Variants in SLC6A9 observed in about 807,000 individuals in gnomAD.
SLC6A9 encodes sodium- and chloride-dependent glycine transporter 1.
In SLC6A9, 31 loss-of-function variants were observed where a neutral mutation model predicts 70.9. The observed-to-expected ratio is 0.44, with a 90% CI of 0.33 to 0.59. SLC6A9 has a LOEUF of 0.59. Among genes scored for constraint, SLC6A9 ranks in the 20% least tolerant of loss-of-function variants. SLC6A9 has a pLI of 0.04. For synonymous variants in SLC6A9, 310 were observed against 341.3 expected (o/e 0.91, Z 1.01); for missense variants, 631 against 845.2 (o/e 0.75, Z 3.14).
At chr1:44,006,013 G>A (rs1467621044) in intron 5 of SLC6A9, among the ~76,000 whole-genome samples, 1 of 152,186 alleles carries the variant, frequency 6.6e-6, no homozygotes, top group Non-Finnish European at 1.5e-5. Flanking sequence ...CCCTGGGTGG[G>A]CCCAGGGCTG....
chr1:44,002,369 C>T lies in SLC6A9; in HGVS notation c.906G>A (p.Ala302=), dbSNP rs766633264. 9.3e-6 allele frequency: 15 copies of T among 1,614,112 alleles called. No individual in the cohort carries two copies. Among genetic ancestry groups the T allele is most frequent in the East Asian group, 4.5e-5 (2 of 44,870 alleles). Reference sequence around the variant, plus strand: ...AAGCCATGGTGATGAGGCCTCCCCACGCGCAGCCCAGTGAGTAGAAGATCT... The same window carrying T: ...AAGCCATGGTGATGAGGCCTCCCCATGCGCAGCCCAGTGAGTAGAAGATCT... ...ASQIFYSLGC[A]WGGLITMASY... Residue 302 remains alanine, a synonymous_variant, in exon 8 of 14, where the codon GCG becomes GCA. Coordinates refer to ENST00000372310, the MANE Select transcript of SLC6A9 (RefSeq NM_001024845.3). This position sits in a 1 kb window ranked among gnomAD's most constrained non-coding sequence, Gnocchi z 5.5.
chr1:44,021,022 G>C (rs1002174337), intron 2 of SLC6A9, among the ~76,000 whole-genome samples: 2 of 152,236 alleles, frequency 1.3e-5, no homozygotes, highest in African/African-American at 4.8e-5. Flanking sequence ...GTGGGCAGTG[G>C]CACTAGGGAG....
intron 2 of SLC6A9, among the ~76,000 whole-genome samples, chr1:44,019,725 G>A (rs2086845344): frequency 6.6e-6 from 1 of 152,254 alleles, no homozygotes; most frequent in Non-Finnish European, 1.5e-5. Flanking sequence ...AGCTGCTCTA[G>A]CCCCACTTAG....
Position 44,008,577 on chromosome 1 carries a change from G to A in SLC6A9, c.366C>T (p.Tyr122=). The change falls in exon 5 of 14, where the codon TAC becomes TAT. Residue 122 remains tyrosine (Y), a synonymous_variant. Transcript: ENST00000372310. ...AGGCGATGCAGATGACCACATTGTA[G>A]TAGATGCCGATGTAGGTGGACACCA... ...MMVVSTYIGI[Y]YNVVICIAFY... 6.2e-7 allele frequency: 1 copy of A among 1,614,040 alleles called. No individual in the cohort carries two copies.
chr1:44,025,119 C>T (rs946888568), intron 1 of SLC6A9, among the ~76,000 whole-genome samples: 3 of 146,570 alleles, frequency 2.0e-5, no homozygotes, highest in Non-Finnish European at 4.4e-5. Context: ...GTGAGTTCCC[C>T]GAGGGCTTGG....
intron 2 of SLC6A9, among the ~76,000 whole-genome samples, chr1:44,020,481 T>A (rs901611627): frequency 1.3e-5 from 2 of 152,192 alleles, no homozygotes; most frequent in Non-Finnish European, 2.9e-5. Flanking sequence ...GGCAGTGTGC[T>A]AGATGAATGC....
At position 44,000,962 on chromosome 1, in the gene SLC6A9, T is replaced by C; in HGVS notation, c.1429A>G (p.Ile477Val). 1.2e-6 allele frequency: 2 copies of C among 1,600,618 alleles called. No homozygotes were observed. Among genetic ancestry groups the C allele is most frequent in the Non-Finnish European group, 1.7e-6 (2 of 1,172,180 alleles). ...SCIMCVAIMY[I>V]YGHRNYFQDI... ...CGGAGGCTCGAGTGCTCACCGTAGA[T>C]GTACATGATGGCCACACACATGATG... Residue 477 changes from isoleucine (I) to valine (V), a missense_variant, in exon 11 of 14, where the codon ATC becomes GTC. Coordinates refer to ENST00000372310, the MANE Select transcript of SLC6A9 (RefSeq NM_001024845.3).
chr1:44,030,717 C>G (rs1465228008), intron 1 of SLC6A9, among the ~76,000 whole-genome samples: 1 of 152,048 alleles, frequency 6.6e-6, no homozygotes, highest in Admixed American at 6.5e-5. Flanking sequence ...TCCCGGGTCC[C>G]GCGGGCGCAC....
Position 43,997,335 on chromosome 1 carries a change from T to TC in SLC6A9, c.*209dup. ...CCCAGCAACCCTCCACTCCCACCCC[T>TC]CCCCCCAGCTGCTATCTTGGCATCC... On this transcript the variant is annotated 3_prime_UTR_variant, in exon 14 of 14. Coordinates refer to ENST00000372310, the MANE Select transcript of SLC6A9 (RefSeq NM_001024845.3). The surrounding 1 kb of genome is among the most constrained non-coding windows in gnomAD (Gnocchi z 4.4). 1 of 553,856 alleles carries TC rather than the reference T, an allele frequency of 1.8e-6. No homozygotes were observed. Among genetic ancestry groups the TC allele is most frequent in the Non-Finnish European group, 3.2e-6 (1 of 312,846 alleles). 34.3% of individuals were successfully genotyped at this position (553,856 alleles called of 1,614,324 possible).
At chr1:44,017,328 T>C in intron 2 of SLC6A9, 1 of 1,399,696 alleles carries the variant, frequency 7.1e-7, no homozygotes, top group Non-Finnish European at 9.2e-7. Context: ...TGTGTGGGGT[T>C]TGTTGTGTTT....
intron 4 of SLC6A9, 126 bp from the exon 5 acceptor site, chr1:44,008,749 A>G: frequency 1.4e-6 from 1 of 732,250 alleles, no homozygotes; most frequent in South Asian, 1.9e-5. Flanking sequence ...TCTGTTGCCC[A>G]GGCTCTGACA....
chr1:43,999,754 G>A (rs1456375455), intron 12 of SLC6A9, among the ~76,000 whole-genome samples: 1 of 152,140 alleles, frequency 6.6e-6, no homozygotes, highest in East Asian at 1.9e-4. Context: ...GTCTGGTGCT[G>A]AGCCCCCTGT....
rs1268887863 is a variant in SLC6A9, at chr1:44,002,701, ACC to A, written c.724-57_724-56del. ...TGGGCTCTCCCCTCCCCTGGGCACC[ACC>A]ACCCTGGCTCCCTAATCACCACCAG... On this transcript the variant is annotated intron_variant, in intron 6 of 13. Coordinates refer to ENST00000372310, the MANE Select transcript of SLC6A9 (RefSeq NM_001024845.3). The surrounding 1 kb of genome is among the most constrained non-coding windows in gnomAD (Gnocchi z 5.5). The A allele has an allele frequency of 9.4e-4, 1,509 of 1,608,216 alleles. 9 individuals carry two copies. The African/African-American group carries it at 0.018, about 19-fold the overall frequency.
At chr1:44,026,370 C>T (rs2086982934) in intron 1 of SLC6A9, among the ~76,000 whole-genome samples, 1 of 152,156 alleles carries the variant, frequency 6.6e-6, no homozygotes, top group African/African-American at 2.4e-5. Context: ...TTAGAAAGAG[C>T]CATGTCAGCT....
intron 2 of SLC6A9, among the ~76,000 whole-genome samples, chr1:44,014,199 G>A (rs2086665726): frequency 6.6e-6 from 1 of 151,918 alleles, no homozygotes; most frequent in Non-Finnish European, 1.5e-5. Context: ...AACCATAGCG[G>A]CATGGTTCCC....
At chr1:44,014,848 A>C (rs1376849099) in intron 2 of SLC6A9, 1 of 152,078 alleles carries the variant, frequency 6.6e-6, no homozygotes, top group Non-Finnish European at 1.5e-5. Flanking sequence ...TGCTGTCTAC[A>C]AAAGCAGGGG....
At chr1:44,004,526 T>G (rs907137763) in intron 5 of SLC6A9, among the ~76,000 whole-genome samples, 2 of 151,402 alleles carry the variant, frequency 1.3e-5, no homozygotes, top group African/African-American at 4.9e-5. Context: ...TTGTATTTTT[T>G]GTAGAGATAT....
At chr1:44,000,931 G>T in intron 11 of SLC6A9, 25 bp downstream of exon 11, 1 of 1,602,204 alleles carries the variant, frequency 6.2e-7, no homozygotes, top group Non-Finnish European at 8.5e-7. Flanking sequence ...CCGGGTCGCG[G>T]GAGGCCGGAG....
Position 44,008,347 on chromosome 1 carries a change from C to A in SLC6A9, c.590+6G>T, listed in dbSNP as rs760138242. The A allele has an allele frequency of 1.9e-5, 31 of 1,612,950 alleles. No homozygotes were observed. The East Asian group carries it at 6.9e-4, about 36-fold the overall frequency. ...CCCCCCACCCCAGGTCCTGCAGGTG[C>A]CTCACCTCCAGTACTCCTCGCTGGG... On this transcript the variant is annotated splice_donor_region_variant and intron_variant, in intron 5 of 13. Transcript: ENST00000372310.
Sources: allele counts gnomAD v4.1 joint callset (sites outside exome capture counted in the v4.1 genomes callset), GRCh38; gene constraint gnomAD v4.1.1; non-coding constraint Gnocchi (gnomAD v3.1); transcripts MANE v1.5; gene names NCBI Gene and HGNC (gene_info 2026-07-23, HGNC 2026-07-21).